TRIM6: variants seen among roughly 807,000 people sequenced by gnomAD.
TRIM6 encodes tripartite motif containing 6, also known as tripartite motif-containing protein 6.
In TRIM6, 43 loss-of-function variants were observed where a neutral mutation model predicts 51.2. The ratio of observed to expected loss-of-function variants is 0.84; its 90% confidence interval spans 0.66 to 1.08. The LOEUF (loss-of-function observed/expected upper bound fraction) is 1.08, where lower values mean the gene tolerates loss of function less well. TRIM6 is among the 50% of genes least tolerant of loss of function. The pLI is 0.00. For missense variants in TRIM6, 669 were observed against 619.0 expected (o/e 1.08, Z -0.86); for synonymous variants, 215 against 232.4 (o/e 0.93, Z 0.68).
At chr11:5,610,346 G>GA in intron 6 of TRIM6, 101 bp downstream of exon 6, 1 of 1,582,678 alleles carries the variant, frequency 6.3e-7, no homozygotes, top group South Asian at 1.1e-5. Flanking sequence ...TAGTGGCAAA[G>GA]AGGGAGGTCC....
At chr11:5,604,483 C>A (rs10769118) in intron 2 of TRIM6, 51 bp from the exon 3 acceptor site, 168,899 of 1,573,534 alleles carry the variant, frequency 0.11, 9,831 homozygotes, top group Middle Eastern at 0.21. Flanking sequence ...TGTCTGGGTA[C>A]TGAGTCAACT....
rs1053310621 is a variant in TRIM6 at position 5,603,673 on chromosome 11, C to T, written c.445C>T (p.Arg149Trp). 45 of 1,613,060 alleles carry T rather than the reference C, an allele frequency of 2.8e-5. No individual in the cohort carries two copies. Among genetic ancestry groups the T allele is most frequent in the African/African-American group, 4.0e-5 (3 of 74,632 alleles). Reference sequence around the variant, plus strand: ...GAAGGTCATTTGCTGGCTTTGTGAGCGGTCTCAGGAGCACCGTGGTCACCA... The same window carrying T: ...GAAGGTCATTTGCTGGCTTTGTGAGTGGTCTCAGGAGCACCGTGGTCACCA... ...DGKVICWLCE[R>W]SQEHRGHHTF... Residue 149 changes from arginine to tryptophan, a missense_variant, in exon 2 of 8, where the codon CGG becomes TGG. Coordinates refer to ENST00000380097, the MANE Select transcript of TRIM6 (RefSeq NM_001003818.3).
intron 5 of TRIM6, among the ~76,000 whole-genome samples, chr11:5,609,635 A>T (rs11038336): frequency 6.6e-6 from 1 of 152,188 alleles, no homozygotes; most frequent in Admixed American, 6.5e-5. Flanking sequence ...TAAGAAGTTA[A>T]ATCTTGGACA....
At chr11:5,607,751 G>A (rs1465789370) in intron 4 of TRIM6, among the ~76,000 whole-genome samples, 1 of 152,180 alleles carries the variant, frequency 6.6e-6, no homozygotes, top group Non-Finnish European at 1.5e-5. Flanking sequence ...TCAGTAGGAT[G>A]GAAGGGAGAC....
rs1006386193 is a variant in TRIM6 at position 5,612,015 on chromosome 11, T to A, written c.*673T>A. 6.6e-6 allele frequency: 1 copy of A among 152,208 alleles called. No individual in the cohort carries two copies. The allele number at this position is 152,208 out of a possible 1,614,324, so 9.4% of individuals were successfully genotyped here. A position where few individuals can be genotyped will look rare whatever the true frequency, so the allele number is the denominator to read the frequency against. On this transcript the variant is annotated 3_prime_UTR_variant, in exon 8 of 8. Coordinates refer to ENST00000380097, the MANE Select transcript of TRIM6 (RefSeq NM_001003818.3). ...TCTTTTCTGTAAATTATTGAGACAA[T>A]TGTGTATCATTTTTGTTCTGTTAAT...
chr11:5,605,287 A>T (rs763476108), intron 3 of TRIM6, 50 bp from the exon 4 acceptor site: 26 of 1,610,990 alleles, frequency 1.6e-5, no homozygotes, highest in Non-Finnish European at 2.0e-5. Flanking sequence ...AATAGAGGAG[A>T]CCCTCAGTGT....
rs200510947 is a variant in TRIM6, at chr11:5,603,553, C to T, written c.325C>T (p.Leu109Phe). The T allele has an allele frequency of 1.2e-6, 2 of 1,613,982 alleles. No individual in the cohort carries two copies. The highest frequency in any genetic ancestry group is 2.7e-5 in the African/African-American group (2 of 74,988). ...GCATCTGGCCAACATAGTGAGGCGG[C>T]TCAGAGAGGTAGTGTTGGGCCCTGG... ...NRHLANIVRR[L>F]REVVLGPGKQ... The change falls in exon 2 of 8, where the codon CTC becomes TTC. Residue 109 changes from leucine to phenylalanine, a missense_variant. Coordinates refer to ENST00000380097, the MANE Select transcript of TRIM6 (RefSeq NM_001003818.3).
At position 5,605,325 on chromosome 11, in the gene TRIM6, C is replaced by T; in HGVS notation, c.604-12C>T. 1.2e-6 allele frequency: 2 copies of T among 1,613,912 alleles called. No homozygotes were observed. Among genetic ancestry groups the T allele is most frequent in the Non-Finnish European group, 1.7e-6 (2 of 1,179,978 alleles). ...CCGACTAGCAGCCTCTTTTTCTTCC[C>T]TGTTCCTGAAGAATCAGATGGAGCC... On this transcript the variant is annotated splice_polypyrimidine_tract_variant and intron_variant, in intron 3 of 7. Coordinates refer to ENST00000380097, the MANE Select transcript of TRIM6 (RefSeq NM_001003818.3).
chr11:5,608,501 GA>G, intron 5 of TRIM6, 107 bp downstream of exon 5: 1 of 1,522,030 alleles, frequency 6.6e-7, no homozygotes, highest in African/African-American at 1.4e-5. Flanking sequence ...AGATTCAAGA[GA>G]GTAGTCTTGA....
chr11:5,599,392 T>A (rs1255405112), intron 1 of TRIM6, among the ~76,000 whole-genome samples: 6 of 140,668 alleles, frequency 4.3e-5, no homozygotes, highest in Non-Finnish European at 6.2e-5. Flanking sequence ...TATATTTATT[T>A]ATTTATTTAT....
intron 3 of TRIM6, 101 bp downstream of exon 3, chr11:5,604,730 A>G (rs1848101733): frequency 1.6e-6 from 2 of 1,284,042 alleles, no homozygotes; most frequent in Non-Finnish European, 2.1e-6. Flanking sequence ...CTCTGATGCC[A>G]TGACTAGAAG....
At chr11:5,602,763 G>C (rs181713803) in intron 1 of TRIM6, among the ~76,000 whole-genome samples, 3 of 151,478 alleles carry the variant, frequency 2.0e-5, no homozygotes, top group Non-Finnish European at 4.4e-5. Context: ...AGACCACCCT[G>C]GCTAACATGG....
In TRIM6 at chr11:5,603,499, T is replaced by C; in HGVS notation, c.271T>C (p.Tyr91His). 6.2e-7 allele frequency: 1 copy of C among 1,614,106 alleles called. No individual in the cohort carries two copies. Among genetic ancestry groups the C allele is most frequent in the Non-Finnish European group, 8.5e-7 (1 of 1,180,024 alleles). ...AAGCTGCCCTGTGTGCCAGACCAGCTACCAGCCAGGGAACCTGCGGCCTAA... is the reference window on the plus strand; with the variant it reads ...AAGCTGCCCTGTGTGCCAGACCAGCCACCAGCCAGGGAACCTGCGGCCTAA... ...ERSCPVCQTS[Y>H]QPGNLRPNRH... is the part of the protein sequence containing the mutation. Residue 91 changes from tyrosine to histidine, a missense_variant, in exon 2 of 8, where the codon TAC becomes CAC. Physicochemically the swap from Tyr to His is moderately conservative, Grantham distance 83. Coordinates refer to ENST00000380097, the MANE Select transcript of TRIM6 (RefSeq NM_001003818.3).
In TRIM6 at chr11:5,605,564, G is replaced by A; in HGVS notation, c.831G>A (p.Leu277=). Residue 277 remains leucine (L), a synonymous_variant, in exon 4 of 8, where the codon CTG becomes CTA. Transcript: ENST00000380097. ...RRCQGSTMEL[L]QDVSDVTERS... Reference sequence around the variant, plus strand: ...GTCAGGGGTCAACAATGGAGCTGCTGCAGGTAAGGCTTGTGAAGGAGCCCA... The same window carrying A: ...GTCAGGGGTCAACAATGGAGCTGCTACAGGTAAGGCTTGTGAAGGAGCCCA... The A allele has an allele frequency of 6.2e-7, 1 of 1,613,350 alleles. No homozygotes were observed. The highest frequency in any genetic ancestry group is 8.5e-7 in the Non-Finnish European group (1 of 1,179,768).
chr11:5,597,152 ACT>A (rs1847520034), intron 1 of TRIM6, among the ~76,000 whole-genome samples: 1 of 152,084 alleles, frequency 6.6e-6, no homozygotes, highest in African/African-American at 2.4e-5. Flanking sequence ...TCAAATCCTG[ACT>A]CTGACAGACA....
chr11:5,610,428 A>G (rs1564871165), intron 6 of TRIM6, 107 bp from the exon 7 acceptor site: 2 of 1,601,362 alleles, frequency 1.2e-6, no homozygotes, highest in Admixed American at 3.4e-5. Context: ...GCCAGGTGAC[A>G]TCCTCACAGG....
At chr11:5,609,589 T>A (rs892261861) in intron 5 of TRIM6, among the ~76,000 whole-genome samples, 4 of 152,120 alleles carry the variant, frequency 2.6e-5, no homozygotes, top group African/African-American at 9.7e-5. Context: ...TTATAGTATT[T>A]TCTAAAAACA....
rs1302243247 is a variant in TRIM6, at chr11:5,610,859, T to C, written c.1068T>C (p.Ala356=). 1.2e-6 allele frequency: 2 copies of C among 1,614,216 alleles called. No individual in the cohort carries two copies. Among genetic ancestry groups the C allele is most frequent in the Non-Finnish European group, 8.5e-7 (1 of 1,180,054 alleles). ...GGAGACAAGTGAGGTTTGTGGGAGC[T>C]AAAGTATCTGGACCTTCCTGTCTGG... The part of the protein sequence containing the change: ...KNRRQVRFVG[A]KVSGPSCLEK... Residue 356 remains alanine (A), a synonymous_variant, in exon 8 of 8, where the codon GCT becomes GCC. Coordinates refer to ENST00000380097, the MANE Select transcript of TRIM6 (RefSeq NM_001003818.3).
Position 5,596,681 on chromosome 11 carries a change from GGTC to G in TRIM6, c.-216_-214del, listed in dbSNP as rs1847483864. The G allele has an allele frequency of 1.5e-5, 10 of 666,826 alleles. No individual in the cohort carries two copies. The allele number at this position is 666,826 out of a possible 1,614,324, so 41.3% of individuals were successfully genotyped here. ...GCCTTCCGCAAACTCCTGACCTGTG[GGTC>G]CGTCCGTTCAACGGCCAAAGGCTGG... On this transcript the variant is annotated 5_prime_UTR_variant, in exon 1 of 8. Transcript: ENST00000380097.
Sources: gnomAD v4.1 joint callset for allele counts (sites outside exome capture counted in the v4.1 genomes callset) on GRCh38, gnomAD v4.1.1 for gene constraint, MANE v1.5 for transcripts, NCBI Gene and HGNC (gene_info 2026-07-23, HGNC 2026-07-21) for gene names.